LRRC61: variants seen among roughly 807,000 people sequenced by gnomAD.
LRRC61 encodes the protein leucine-rich repeat-containing protein 61.
In LRRC61, 9 loss-of-function variants were observed where a neutral mutation model predicts 15.1. The observed-to-expected ratio is 0.60, with a 90% CI of 0.36 to 1.04. The LOEUF (loss-of-function observed/expected upper bound fraction) is 1.04. Ranked by LOEUF, LRRC61 falls within the 50% of genes least tolerant of loss-of-function variation. The pLI is 0.01. For synonymous variants in LRRC61, 173 were observed against 158.6 expected, an observed-to-expected ratio of 1.09 and a Z score of -0.68; for missense variants, 344 against 335.6, an observed-to-expected ratio of 1.03 and a Z score of -0.20.
intron 1 of LRRC61, 139 bp downstream of exon 1, chr7:150,323,699 G>A: frequency 2.2e-6 from 1 of 456,190 alleles, no homozygotes; most frequent in Non-Finnish European, 4.4e-6. Context: ...TTCCGGAACA[G>A]CCAGCCCTTA....
Position 150,330,734 on chromosome 7 carries a change from T to C in LRRC61, c.-145+4724T>C. 1 of 1,602,064 alleles carries C rather than the reference T, an allele frequency of 6.2e-7. No homozygotes were observed. Among genetic ancestry groups the C allele is most frequent in the South Asian group, 1.1e-5 (1 of 90,846 alleles). On this transcript the variant is annotated intron_variant, in intron 2 of 2. Coordinates refer to ENST00000359623, the MANE Select transcript of LRRC61 (RefSeq NM_001142928.2). This position sits in a 1 kb window ranked among gnomAD's most constrained non-coding sequence, Gnocchi z 4.6. ...TCCTCGTGTACAAGGTGAAGGAGAT[T>C]AGAGTGTCTGAATACTCTTTGAACT...
At chr7:150,314,533 G>A in the LRRC61 span, among the ~76,000 whole-genome samples, 1 of 152,130 alleles carries the variant, frequency 6.6e-6, no homozygotes, top group East Asian at 1.9e-4. Flanking sequence ...AAAAGACAGG[G>A]AGATGTGTGA....
At position 150,333,971 on chromosome 7, in the gene LRRC61, G is replaced by A. The variant is rs112771773; in HGVS notation, c.-144-2747G>A. On this transcript the variant is annotated intron_variant, in intron 2 of 2. Coordinates refer to ENST00000359623, the MANE Select transcript of LRRC61 (RefSeq NM_001142928.2). The surrounding 1 kb of genome is among the most constrained non-coding windows in gnomAD (Gnocchi z 4.3). ...ACCAAGACCCAGGCCTGCATCTGGT[G>A]AGGGCAGGACGGGGCCACACTGGTG... 25 of 985,316 alleles carry A rather than the reference G, an allele frequency of 2.5e-5. No individual in the cohort carries two copies. In the African/African-American group the frequency reaches 4.0e-4, roughly 16 times the overall value. 61.0% of individuals were successfully genotyped at this position (985,316 alleles called of 1,614,324 possible). A position where few individuals can be genotyped will look rare whatever the true frequency, so the allele number is the denominator to read the frequency against.
chr7:150,328,805 G>C (rs1798021875), intron 2 of LRRC61: 1 of 152,218 alleles, frequency 6.6e-6, no homozygotes, highest in South Asian at 2.1e-4. Context: ...GGGTACAGGG[G>C]CACTGGTCTT....
upstream of LRRC61, among the ~76,000 whole-genome samples, chr7:150,320,747 A>G (rs1465396082): frequency 6.6e-6 from 1 of 152,234 alleles, no homozygotes; most frequent in Non-Finnish European, 1.5e-5. Flanking sequence ...TGGGCAACAG[A>G]GTGAGACTCC....
chr7:150,315,280 T>A, the LRRC61 span, among the ~76,000 whole-genome samples: 1 of 152,050 alleles, frequency 6.6e-6, no homozygotes, highest in Non-Finnish European at 1.5e-5. Flanking sequence ...AACGTCATCG[T>A]GATAAACTTC....
At position 150,330,070 on chromosome 7, in the gene LRRC61, A is replaced by T. The variant is rs1170496810; in HGVS notation, c.-145+4060A>T. On this transcript the variant is annotated intron_variant, in intron 2 of 2. Coordinates refer to ENST00000359623, the MANE Select transcript of LRRC61 (RefSeq NM_001142928.2). This position sits in a 1 kb window ranked among gnomAD's most constrained non-coding sequence, Gnocchi z 4.6. ...ATCCCTTGTTTCGCCCACTGCCTCG[A>T]CTCCCTGGTGAGAAACTTTCTGTGT... The T allele has an allele frequency of 2.8e-5, 8 of 288,720 alleles. No homozygotes were observed. The Admixed American group carries it at 3.9e-4, about 14-fold the overall frequency. The allele number at this position is 288,720 out of a possible 1,614,324, so 17.9% of individuals were successfully genotyped here.
chr7:150,316,778 C>T, the LRRC61 span, among the ~76,000 whole-genome samples: 1 of 152,150 alleles, frequency 6.6e-6, no homozygotes, highest in Non-Finnish European at 1.5e-5. Context: ...GCCACCACGC[C>T]TGGCCAAGAA....
chr7:150,337,568 A>G lies in LRRC61; in HGVS notation c.707A>G (p.Gln236Arg), dbSNP rs780618814. ...CAGGAGTGCTGGGACCTGGACCGCC[A>G]GGCCAGCGACAGCCTGGCCCAGGCG... ...TLQECWDLDR[Q>R]ASDSLAQAEQ... The change falls in exon 3 of 3, where the codon CAG becomes CGG. Residue 236 changes from glutamine (Q) to arginine (R), a missense_variant. By Grantham distance (43) the Gln-to-Arg change is conservative (BLOSUM62 1). Transcript: ENST00000359623. 2 of 1,591,026 alleles carry G rather than the reference A, an allele frequency of 1.3e-6. No individual in the cohort carries two copies. Among genetic ancestry groups the G allele is most frequent in the African/African-American group, 1.3e-5 (1 of 74,316 alleles).
At chr7:150,319,641 A>G (rs1208203166), upstream of LRRC61, among the ~76,000 whole-genome samples, 1 of 152,252 alleles carries the variant, frequency 6.6e-6, no homozygotes, top group Non-Finnish European at 1.5e-5. Flanking sequence ...CACTTTGTCC[A>G]TCCAATTACT....
the LRRC61 span, among the ~76,000 whole-genome samples, chr7:150,310,695 C>T: frequency 1.3e-5 from 2 of 152,278 alleles, no homozygotes; most frequent in East Asian, 3.9e-4. Flanking sequence ...CAGCAACTCA[C>T]CTGGACTGTC....
At chr7:150,331,441 C>T in intron 2 of LRRC61, 1 of 271,544 alleles carries the variant, frequency 3.7e-6, no homozygotes, top group Non-Finnish European at 7.3e-6. Flanking sequence ...AATCTTAAAC[C>T]TATTTGGTAG....
In LRRC61 at chr7:150,330,102, C is replaced by T; in HGVS notation, c.-145+4092C>T. On this transcript the variant is annotated intron_variant, in intron 2 of 2. Transcript: ENST00000359623. The surrounding 1 kb of genome is among the most constrained non-coding windows in gnomAD (Gnocchi z 4.6). ...GGTGAGAAACTTTCTGTGTCACCCT[C>T]ACAGTGTCCAGATCATCCTGGGCAC... The T allele has an allele frequency of 4.8e-6, 2 of 417,162 alleles. No individual in the cohort carries two copies. Among genetic ancestry groups the T allele is most frequent in the South Asian group, 6.6e-5 (2 of 30,336 alleles). 25.8% of individuals were successfully genotyped at this position (417,162 alleles called of 1,614,324 possible).
At chr7:150,309,997 G>A in the LRRC61 span, among the ~76,000 whole-genome samples, 1 of 152,140 alleles carries the variant, frequency 6.6e-6, no homozygotes, top group Admixed American at 6.5e-5. Flanking sequence ...GCTGTTGTGG[G>A]TATTGACGGC....
At chr7:150,316,864 A>G in the LRRC61 span, among the ~76,000 whole-genome samples, 1 of 152,120 alleles carries the variant, frequency 6.6e-6, no homozygotes, top group Non-Finnish European at 1.5e-5. Context: ...GGGAGAACCG[A>G]TATCTTTTAG....
rs143410668 is a variant in LRRC61 at position 150,330,757 on chromosome 7, A to G, written c.-145+4747A>G. The G allele has an allele frequency of 8.7e-5, 141 of 1,613,072 alleles. No homozygotes were observed. The African/African-American group carries it at 1.4e-3, about 16-fold the overall frequency. On this transcript the variant is annotated intron_variant, in intron 2 of 2. Transcript: ENST00000359623. This position sits in a 1 kb window ranked among gnomAD's most constrained non-coding sequence, Gnocchi z 4.6. The stretch of plus-strand genomic sequence containing the variant: ...ATTAGAGTGTCTGAATACTCTTTGA[A>G]CTCCCCAAGTCCCCTGCAAAGCCCC...
At chr7:150,314,147 C>T in the LRRC61 span, among the ~76,000 whole-genome samples, 8 of 152,268 alleles carry the variant, frequency 5.3e-5, no homozygotes, top group East Asian at 5.8e-4. Context: ...GGGCTGTATA[C>T]GTGTCTCCTA....
At chr7:150,334,449 C>T (rs1054686622) in intron 2 of LRRC61, among the ~76,000 whole-genome samples, 4 of 140,102 alleles carry the variant, frequency 2.9e-5, no homozygotes, top group Admixed American at 1.5e-4. Flanking sequence ...TCCACATTCA[C>T]TCCTGAAATA....
At chr7:150,328,304 AC>A (rs1206511835) in intron 2 of LRRC61, among the ~76,000 whole-genome samples, 2 of 152,264 alleles carry the variant, frequency 1.3e-5, no homozygotes, top group African/African-American at 2.4e-5. Context: ...CTCATGTTTT[AC>A]ATCCTTTTTG....
Sources: gnomAD v4.1 joint callset for allele counts (sites outside exome capture counted in the v4.1 genomes callset) on GRCh38, gnomAD v4.1.1 for gene constraint, Gnocchi (gnomAD v3.1) non-coding constraint, MANE v1.5 for transcripts, NCBI Gene and HGNC (gene_info 2026-07-23, HGNC 2026-07-21) for gene names.